The following MARCHF8 variants were observed in gnomAD, a reference collection of about 807,000 sequenced individuals.
MARCHF8 encodes the protein membrane associated ring-CH-type finger 8, also known as E3 ubiquitin-protein ligase MARCHF8.
Under a neutral mutation model 51.6 loss-of-function variants are expected in MARCHF8, and 40 were observed. The observed-to-expected ratio is 0.77, with a 90% CI of 0.60 to 1.01. MARCHF8 has a LOEUF of 1.01. Ranked by LOEUF, MARCHF8 falls within the 50% of genes least tolerant of loss-of-function variation. The pLI, the probability that MARCHF8 is intolerant of heterozygous loss-of-function variation, is 0.00. For missense variants in MARCHF8, 685 were observed against 708.6 expected (o/e 0.97, Z 0.38); for synonymous variants, 263 against 280.3 (o/e 0.94, Z 0.62).
intron 2 of MARCHF8, among the ~76,000 whole-genome samples, chr10:45,508,991 T>C (rs2043441786): frequency 6.6e-6 from 1 of 152,232 alleles, no homozygotes; most frequent in African/African-American, 2.4e-5. Context: ...TCTGCAGACA[T>C]CTATTTGTTG....
At chr10:45,500,225 G>T (rs775123633) in intron 2 of MARCHF8, among the ~76,000 whole-genome samples, 43 of 151,928 alleles carry the variant, frequency 2.8e-4, no homozygotes, top group Non-Finnish European at 5.3e-4. Context: ...ATCCTTTTTA[G>T]ATTGTTCATT....
chr10:45,509,491 G>T (rs1270751572), intron 2 of MARCHF8, among the ~76,000 whole-genome samples: 1 of 152,174 alleles, frequency 6.6e-6, no homozygotes. Context: ...GGGCAATAAA[G>T]TTATTTGCAT....
At chr10:45,484,376 C>A (rs1027911581) in intron 3 of MARCHF8, among the ~76,000 whole-genome samples, 1 of 150,908 alleles carries the variant, frequency 6.6e-6, no homozygotes, top group Non-Finnish European at 1.5e-5. Flanking sequence ...GGTCAAGGAC[C>A]CTGCGGTGAG....
chr10:45,511,838 G>A (rs1375184588), intron 2 of MARCHF8, among the ~76,000 whole-genome samples: 1 of 152,018 alleles, frequency 6.6e-6, no homozygotes, highest in East Asian at 2.0e-4. Context: ...ACCCCGTCTG[G>A]GAAGTGAGGA....
chr10:45,590,333 G>C (rs1339347768), intron 1 of MARCHF8, among the ~76,000 whole-genome samples: 4 of 152,214 alleles, frequency 2.6e-5, no homozygotes, highest in African/African-American at 7.2e-5. Context: ...TGAGGTATAA[G>C]AGTTCCTTAA....
rs74624558 is a variant in MARCHF8, at chr10:45,578,889, T to C, written c.-79+15346A>G. On this transcript the variant is annotated intron_variant, in intron 1 of 6. Transcript: ENST00000319836. ...TCTGTACTCTTCCAAAAGATCAATG[T>C]CAAGAATGACAATGAAAGGTTAACA... 3.8e-3 allele frequency among the ~76,000 whole-genome samples: 575 copies of C among 152,280 alleles called. 12 individuals are homozygous for C. The East Asian group carries it at 0.053, about 14-fold the overall frequency.
At chr10:45,476,571 G>A (rs989177776) in intron 3 of MARCHF8, among the ~76,000 whole-genome samples, 1 of 152,034 alleles carries the variant, frequency 6.6e-6, no homozygotes, top group Middle Eastern at 3.2e-3. Flanking sequence ...CGGAAGCTCA[G>A]TGAGATACAC....
At chr10:45,512,077 G>T (rs1019014022) in intron 2 of MARCHF8, among the ~76,000 whole-genome samples, 1 of 150,880 alleles carries the variant, frequency 6.6e-6, no homozygotes, top group African/African-American at 2.4e-5. Context: ...CGCCTGAGAT[G>T]TGGGGAGCGC....
chr10:45,493,962 T>A (rs1267583283), intron 2 of MARCHF8, among the ~76,000 whole-genome samples: 1 of 152,208 alleles, frequency 6.6e-6, no homozygotes. Flanking sequence ...GACTCATGTT[T>A]TAAAAAGCAA....
intron 1 of MARCHF8, among the ~76,000 whole-genome samples, chr10:45,576,583 T>C (rs1281571772): frequency 6.6e-6 from 1 of 152,056 alleles, no homozygotes; most frequent in African/African-American, 2.4e-5. Context: ...TGTGTATACA[T>C]AGATGTTGCT....
chr10:45,544,362 G>A lies in MARCHF8; in HGVS notation c.-78-11073C>T, dbSNP rs561498542. Among the ~76,000 whole-genome samples the A allele has an allele frequency of 4.9e-4, 75 of 152,338 alleles. No homozygotes were observed. In the South Asian group the frequency reaches 9.5e-3, roughly 19 times the overall value. The stretch of plus-strand genomic sequence containing the variant: ...CTTATCCTATGACCCAGGAACTGCA[G>A]TCCTTGGAATTCATCCAAGAGATAT... On this transcript the variant is annotated intron_variant, in intron 1 of 6. Coordinates refer to the MARCHF8 transcript ENST00000319836.
At position 45,459,282 on chromosome 10, in the gene MARCHF8, C is replaced by T. The variant is rs369006544; in HGVS notation, c.1270-15G>A. The T allele has an allele frequency of 1.4e-5, 23 of 1,613,336 alleles. No individual in the cohort carries two copies. Among genetic ancestry groups the T allele is most frequent in the Non-Finnish European group, 1.9e-5 (22 of 1,179,776 alleles). ...AACTTCTCCCACTAGAAAGACAACA[C>T]AGAGTGTGAGGCTCAGGCTTCTGGG... is the stretch of plus-strand genomic sequence containing the variant. On this transcript the variant is annotated splice_polypyrimidine_tract_variant and intron_variant, in intron 6 of 7. Coordinates refer to ENST00000453424, the MANE Select transcript of MARCHF8 (RefSeq NM_001282866.2).
rs971675781 is a variant in MARCHF8 at position 45,455,595 on chromosome 10, G to A, written c.*2644C>T. The A allele has an allele frequency of 6.6e-6, 1 of 152,350 alleles. No homozygotes were observed. Among genetic ancestry groups the A allele is most frequent in the African/African-American group, 2.4e-5 (1 of 41,434 alleles). The allele number at this position is 152,350 out of a possible 1,614,324, so 9.4% of individuals were successfully genotyped here. On this transcript the variant is annotated 3_prime_UTR_variant, in exon 8 of 8. Coordinates refer to ENST00000453424, the MANE Select transcript of MARCHF8 (RefSeq NM_001282866.2). ...TACACAGCACCCAAAAGAACCGAGA[G>A]AGCAAGTTTTCCAAGGCTACAGGAA... is the stretch of plus-strand genomic sequence containing the variant.
chr10:45,558,445 GAACA>G (rs1159105219), intron 1 of MARCHF8, among the ~76,000 whole-genome samples: 1 of 152,192 alleles, frequency 6.6e-6, no homozygotes, highest in Non-Finnish European at 1.5e-5. Context: ...GTTCTAAGAA[GAACA>G]ATCAAATTAA....
intron 1 of MARCHF8, among the ~76,000 whole-genome samples, chr10:45,545,094 C>G (rs576740785): frequency 2.8e-4 from 43 of 152,290 alleles, no homozygotes; most frequent in East Asian, 9.6e-4. Flanking sequence ...ATTCCACATT[C>G]ATAGTTCTTT....
At chr10:45,468,698 C>G (rs571042822) in intron 3 of MARCHF8, among the ~76,000 whole-genome samples, 85 of 152,256 alleles carry the variant, frequency 5.6e-4, no homozygotes, top group African/African-American at 1.9e-3. Flanking sequence ...AATGACTTAA[C>G]AGAAACAATG....
At chr10:45,590,743 GC>G (rs1452169702) in intron 1 of MARCHF8, among the ~76,000 whole-genome samples, 1 of 152,160 alleles carries the variant, frequency 6.6e-6, no homozygotes, top group African/African-American at 2.4e-5. Flanking sequence ...AAGAAAGCAG[GC>G]CAGGCGCAGT....
intron 2 of MARCHF8, among the ~76,000 whole-genome samples, chr10:45,497,631 GA>G (rs1564485931): frequency 6.6e-6 from 1 of 151,976 alleles, no homozygotes. Context: ...ACAGCAGAGA[GA>G]AACTACCAAA....
Position 45,480,455 on chromosome 10 carries a change from T to C in MARCHF8, c.153+8912A>G, listed in dbSNP as rs117326308. Among the ~76,000 whole-genome samples, 576 of 152,048 alleles carry C rather than the reference T, an allele frequency of 3.8e-3. 12 individuals carry two copies. In the East Asian group the frequency reaches 0.053, roughly 14 times the overall value. On this transcript the variant is annotated intron_variant, in intron 3 of 7. Transcript: ENST00000453424. Reference sequence around the variant, plus strand: ...AGATCTTTGCTGGCAGCCCCTCCCATCACAGGCCCAGAGGACTAGGAGGAA... The same window carrying C: ...AGATCTTTGCTGGCAGCCCCTCCCACCACAGGCCCAGAGGACTAGGAGGAA...
Sources: gnomAD v4.1 joint callset for allele counts (sites outside exome capture counted in the v4.1 genomes callset) on GRCh38, gnomAD v4.1.1 for gene constraint, MANE v1.5 for transcripts, NCBI Gene and HGNC (gene_info 2026-07-23, HGNC 2026-07-21) for gene names.